Variants in DHX15 observed in about 807,000 individuals in gnomAD.
DHX15 encodes ATP-dependent RNA helicase DHX15.
Under a neutral mutation model 94.4 loss-of-function variants are expected in DHX15, and 11 were observed. The ratio of observed to expected loss-of-function variants is 0.12; its 90% confidence interval spans 0.07 to 0.19. The LOEUF (loss-of-function observed/expected upper bound fraction) is 0.19. Among genes scored for constraint, DHX15 ranks in the 10% least tolerant of loss-of-function variants. The pLI is 1.00. For synonymous variants in DHX15, 338 were observed against 329.9 expected, an observed-to-expected ratio of 1.02 and a Z score of -0.27; for missense variants, 304 against 988.5, an observed-to-expected ratio of 0.31 and a Z score of 9.29.
chr4:24,569,034 TAAATC>T (rs774649278), intron 3 of DHX15, among the ~76,000 whole-genome samples: 12 of 152,172 alleles, frequency 7.9e-5, no homozygotes, highest in Non-Finnish European at 1.5e-4. Context: ...TAAAATGAGA[TAAATC>T]AAAGAATTAG....
Position 24,542,022 on chromosome 4 carries a change from C to A in DHX15, c.1336G>T (p.Val446Phe). The change falls in exon 8 of 14, where the codon GTC (valine) becomes TTC (phenylalanine). Residue 446 changes from valine (V) to phenylalanine (F), a missense_variant and splice_region_variant. Transcript: ENST00000336812. ...VIDPGFAKQK[V>F]YNPRIRVESL... ...TCAACTCTGATTCGAGGATTGTAGACCTATTGGAATTGAAATAACACAAGA... is the reference window on the plus strand; with the variant it reads ...TCAACTCTGATTCGAGGATTGTAGAACTATTGGAATTGAAATAACACAAGA... The A allele has an allele frequency of 6.3e-7, 1 of 1,590,570 alleles. No individual in the cohort carries two copies. Among genetic ancestry groups the A allele is most frequent in the Non-Finnish European group, 8.6e-7 (1 of 1,166,286 alleles).
At chr4:24,550,929 A>T (rs999516197) in intron 5 of DHX15, among the ~76,000 whole-genome samples, 3 of 152,222 alleles carry the variant, frequency 2.0e-5, no homozygotes, top group African/African-American at 7.2e-5. Flanking sequence ...AGCAGTGAGT[A>T]ATGTGTTGTG....
intron 2 of DHX15, among the ~76,000 whole-genome samples, chr4:24,571,532 G>C (rs1560774739): frequency 6.6e-6 from 1 of 152,142 alleles, no homozygotes; most frequent in Non-Finnish European, 1.5e-5. Flanking sequence ...TTTTCCCCCA[G>C]TTCCATTATC....
chr4:24,576,448 G>A lies in DHX15; in HGVS notation c.302C>T (p.Thr101Met), dbSNP rs190897648. ...STHSTHSAHS[T>M]HAGHAGHTSL... is the part of the protein sequence containing the mutation. Reference sequence around the variant, plus strand: ...CGTGTGACCTGCATGTCCGGCATGCGTTGAATGAGCAGAATGTGTTGAATG... The same window carrying A: ...CGTGTGACCTGCATGTCCGGCATGCATTGAATGAGCAGAATGTGTTGAATG... The change falls in exon 2 of 14, where the codon ACG becomes ATG. Residue 101 changes from threonine to methionine, a missense_variant. Physicochemically the swap from Thr to Met is moderately conservative, Grantham distance 81. Around this residue, in one of 9 missense-constraint regions of DHX15, gnomAD observed 143 missense variants for 200.5 expected, o/e 0.71. Coordinates refer to ENST00000336812, the MANE Select transcript of DHX15 (RefSeq NM_001358.3). 3.4e-5 allele frequency: 55 copies of A among 1,614,196 alleles called. No individual in the cohort carries two copies. The East Asian group carries it at 4.0e-4, about 12-fold the overall frequency.
intron 3 of DHX15, among the ~76,000 whole-genome samples, chr4:24,568,848 A>G (rs1241612940): frequency 6.6e-6 from 1 of 152,212 alleles, no homozygotes; most frequent in Non-Finnish European, 1.5e-5. Flanking sequence ...AATTATTGTC[A>G]ATTATACTGT....
intron 3 of DHX15, among the ~76,000 whole-genome samples, chr4:24,562,358 T>C (rs1321843133): frequency 2.0e-5 from 3 of 152,242 alleles, no homozygotes; most frequent in Non-Finnish European, 4.4e-5. Flanking sequence ...ACTCAGAGAA[T>C]TACATGGAGC....
At position 24,584,313 on chromosome 4, in the gene DHX15, C is replaced by A; in HGVS notation, c.71+10G>T. On this transcript the variant is annotated intron_variant, in intron 1 of 13. Transcript: ENST00000336812. ...CCGAGCTGCCGCCTCGCGCCCCCGG[C>A]CTGGCTTACCCATCGGTCCCCGCAC... The A allele has an allele frequency of 1.2e-6, 2 of 1,610,586 alleles. No homozygotes were observed. The highest frequency in any genetic ancestry group is 8.5e-7 in the Non-Finnish European group (1 of 1,178,962).
At chr4:24,556,526 A>G (rs1721741130) in intron 3 of DHX15, 116 bp from the exon 4 acceptor site, 1 of 818,192 alleles carries the variant, frequency 1.2e-6, no homozygotes, top group African/African-American at 1.7e-5. Flanking sequence ...CTTCTGCCCC[A>G]AACAAATGTG....
At chr4:24,573,863 A>G (rs913365041) in intron 2 of DHX15, among the ~76,000 whole-genome samples, 1 of 152,018 alleles carries the variant, frequency 6.6e-6, no homozygotes, top group Non-Finnish European at 1.5e-5. Context: ...GTGTCTACTA[A>G]GCAGCAATGT....
At chr4:24,547,874 TCTCTCTCTC>T (rs1381115456) in intron 6 of DHX15, among the ~76,000 whole-genome samples, 8 of 85,122 alleles carry the variant, frequency 9.4e-5, no homozygotes, top group Non-Finnish European at 2.0e-4. Context: ...TCTCTCTCTC[TCTCTCTCTC>T]TCTCTCTATG....
intron 12 of DHX15, chr4:24,530,314 G>C (rs1163964942): frequency 6.4e-6 from 1 of 155,404 alleles, no homozygotes; most frequent in African/African-American, 2.4e-5. Flanking sequence ...ACTAAAGCCA[G>C]GTGCAGTAAT....
chr4:24,529,954 T>C (rs565561034), intron 12 of DHX15, 184 bp from the exon 13 acceptor site: 740 of 619,824 alleles, frequency 1.2e-3, no homozygotes, highest in Non-Finnish European at 1.6e-3. Flanking sequence ...ATCCAACTCA[T>C]AGCCTCTATT....
intron 1 of DHX15, among the ~76,000 whole-genome samples, chr4:24,582,678 G>A (rs1411982311): frequency 6.6e-6 from 1 of 152,200 alleles, no homozygotes; most frequent in Non-Finnish European, 1.5e-5. Flanking sequence ...GAGTGAAAAT[G>A]ACAAAGGCAG....
At chr4:24,563,630 T>C (rs1013912906) in intron 3 of DHX15, among the ~76,000 whole-genome samples, 3 of 152,210 alleles carry the variant, frequency 2.0e-5, no homozygotes, top group African/African-American at 7.2e-5. Context: ...AAACATAATT[T>C]TTTTACTATT....
intron 3 of DHX15, among the ~76,000 whole-genome samples, chr4:24,569,557 A>G (rs1419937394): frequency 1.6e-5 from 2 of 128,438 alleles, no homozygotes; most frequent in East Asian, 2.5e-4. Flanking sequence ...GCGCCACTGC[A>G]CTCCAGCCTG....
chr4:24,528,084 T>A, intron 13 of DHX15, 43 bp from the exon 14 acceptor site: 1 of 1,370,558 alleles, frequency 7.3e-7, no homozygotes, highest in Admixed American at 1.7e-5. Context: ...TAACATTTAA[T>A]TGAAGTACTG....
chr4:24,542,695 G>C (rs531676493), intron 7 of DHX15, among the ~76,000 whole-genome samples: 1 of 150,568 alleles, frequency 6.6e-6, no homozygotes, highest in Non-Finnish European at 1.5e-5. Context: ...AACACCCACC[G>C]TCACTACACT....
At position 24,576,531 on chromosome 4, in the gene DHX15, T is replaced by A. The variant is rs1577351732; in HGVS notation, c.219A>T (p.Gly73=). ...ASTNAMLISA[G]LPPLKASHSA... ...AATGGGAAGCTTTCAAAGGTGGTAATCCAGCACTGATAAGCATAGCATTTG... is the reference window on the plus strand; with the variant it reads ...AATGGGAAGCTTTCAAAGGTGGTAAACCAGCACTGATAAGCATAGCATTTG... The change falls in exon 2 of 14, where the codon GGA becomes GGT. Residue 73 remains glycine (G), a synonymous_variant. Coordinates refer to ENST00000336812, the MANE Select transcript of DHX15 (RefSeq NM_001358.3). 1.2e-6 allele frequency: 2 copies of A among 1,614,038 alleles called. No homozygotes were observed. Among genetic ancestry groups the A allele is most frequent in the African/African-American group, 2.7e-5 (2 of 74,912 alleles).
chr4:24,540,369 T>C (rs1199974606), intron 9 of DHX15, 70 bp from the exon 10 acceptor site: 7 of 1,266,494 alleles, frequency 5.5e-6, no homozygotes, highest in Middle Eastern at 2.1e-4. Context: ...GTACAAACTA[T>C]TATAAGCAAT....
Sources: gnomAD v4.1 joint callset for allele counts (sites outside exome capture counted in the v4.1 genomes callset) on GRCh38, gnomAD v4.1.1 for gene constraint, gnomAD v4.1.1 regional missense constraint, MANE v1.5 for transcripts, NCBI Gene and HGNC (gene_info 2026-07-23, HGNC 2026-07-21) for gene names.